GIGYF2: variants seen among roughly 807,000 people sequenced by gnomAD.
GIGYF2 encodes GRB10-interacting GYF protein 2.
A neutral mutation model predicts 208.1 loss-of-function variants in GIGYF2; 25 were observed. The observed-to-expected ratio is 0.12, with a 90% CI of 0.09 to 0.17. The LOEUF is 0.17. Among genes scored for constraint, GIGYF2 ranks in the 10% least tolerant of loss-of-function variants. The pLI, the probability that GIGYF2 is intolerant of heterozygous loss-of-function variation, is 1.00. For synonymous variants in GIGYF2, 534 were observed against 543.8 expected (o/e 0.98, Z 0.25); for missense variants, 1,302 against 1,579.4 (o/e 0.82, Z 2.98).
At chr2:232,707,992 T>C (rs1296439081) in intron 2 of GIGYF2, among the ~76,000 whole-genome samples, 1 of 152,108 alleles carries the variant, frequency 6.6e-6, no homozygotes, top group Non-Finnish European at 1.5e-5. Context: ...GACAAGGTCT[T>C]GCTCTGTCCC....
At chr2:232,718,926 C>T (rs905120965) in intron 2 of GIGYF2, 3 of 151,954 alleles carry the variant, frequency 2.0e-5, no homozygotes, top group Admixed American at 6.5e-5. Context: ...GGCTGGACTC[C>T]ATCCCAAATT....
intron 21 of GIGYF2, among the ~76,000 whole-genome samples, chr2:232,829,302 C>T (rs529866467): frequency 8.5e-5 from 13 of 152,160 alleles, no homozygotes; most frequent in South Asian, 2.1e-4. Context: ...ATTAAATTGA[C>T]GTTAAGGTTG....
chr2:232,815,666 C>A lies in GIGYF2; in HGVS notation c.2137C>A (p.Pro713Thr). The change falls in exon 19 of 29, where the codon CCT becomes ACT. Residue 713 changes from proline (P) to threonine (T), a missense_variant. This residue lies in a region of GIGYF2 where 701 missense variants were observed against 793.0 expected (regional missense o/e 0.88). Coordinates refer to ENST00000373563, the MANE Select transcript of GIGYF2 (RefSeq NM_001103146.3). The stretch of plus-strand genomic sequence containing the variant: ...GGAAGGTGGTAGTGTATGGGATCTT[C>A]CTCTGGACACCACGACACCAGGCCC... ...VWEGGSVWDLPLDTTTPGPAL... is the reference protein window; with the variant it reads ...VWEGGSVWDLTLDTTTPGPAL... 1 of 1,603,098 alleles carries A rather than the reference C, an allele frequency of 6.2e-7. No individual in the cohort carries two copies. The highest frequency in any genetic ancestry group is 8.5e-7 in the Non-Finnish European group (1 of 1,170,000).
chr2:232,812,872 G>T (rs1470118354), intron 18 of GIGYF2, among the ~76,000 whole-genome samples: 3 of 152,098 alleles, frequency 2.0e-5, no homozygotes, highest in Admixed American at 2.0e-4. Flanking sequence ...ATGGTGGTGT[G>T]TGCCTGTAGT....
chr2:232,744,021 A>G (rs1435043091), intron 3 of GIGYF2, among the ~76,000 whole-genome samples: 1 of 151,488 alleles, frequency 6.6e-6, no homozygotes, highest in East Asian at 1.9e-4. Flanking sequence ...AATTTTTTTT[A>G]TTTTTGGAGA....
At chr2:232,734,599 C>G (rs11883794) in intron 2 of GIGYF2, 15,611 of 152,390 alleles carry the variant, frequency 0.1, 1,167 homozygotes, top group African/African-American at 0.2. Flanking sequence ...GCCAAGAGTT[C>G]GAGACCAGCT....
chr2:232,804,769 A>C (rs1053332573), intron 14 of GIGYF2, among the ~76,000 whole-genome samples: 1 of 152,198 alleles, frequency 6.6e-6, no homozygotes, highest in African/African-American at 2.4e-5. Context: ...CTGGAATTAG[A>C]GGCGTGAACT....
intron 14 of GIGYF2, among the ~76,000 whole-genome samples, chr2:232,798,979 A>AATCTGTTTCTATGAATTTTCT (rs1415433456): frequency 6.6e-6 from 1 of 150,588 alleles, no homozygotes; most frequent in South Asian, 2.1e-4. Flanking sequence ...GACTGGAGGA[A>AATCTGTTTCTATGAATTTTCT]ATCTGTTTCT....
rs375641588 is a variant in GIGYF2 at position 232,790,138 on chromosome 2, CTG to C, written c.713-558_713-557del. ...AAAATCTCTGTGACAACTTTCAGCACTGTAATTTTGTGAATTTTTGGGGGAGG... is the reference window on the plus strand; with the variant it reads ...AAAATCTCTGTGACAACTTTCAGCACTAATTTTGTGAATTTTTGGGGGAGG... On this transcript the variant is annotated intron_variant, in intron 9 of 28. Transcript: ENST00000373563. Among the ~76,000 whole-genome samples the C allele has an allele frequency of 2.0e-3, 298 of 152,208 alleles. 3 individuals carry two copies. Among genetic ancestry groups the C allele is most frequent in the African/African-American group, 6.9e-3 (287 of 41,514 alleles).
intron 15 of GIGYF2, among the ~76,000 whole-genome samples, chr2:232,808,265 C>T (rs948375194): frequency 6.6e-6 from 1 of 152,180 alleles, no homozygotes; most frequent in Admixed American, 6.5e-5. Flanking sequence ...AAGTTTAAGC[C>T]TTATTTCCCT....
At chr2:232,833,514 A>G (rs947547350) in intron 22 of GIGYF2, among the ~76,000 whole-genome samples, 5 of 152,252 alleles carry the variant, frequency 3.3e-5, no homozygotes, top group South Asian at 2.1e-4. Context: ...TTGATCATCA[A>G]TAAGATACAT....
chr2:232,786,647 G>GA (rs1212875726), intron 8 of GIGYF2, among the ~76,000 whole-genome samples: 1 of 152,220 alleles, frequency 6.6e-6, no homozygotes, highest in African/African-American at 2.4e-5. Flanking sequence ...GTTGTATGAT[G>GA]AAAAATATCT....
At chr2:232,853,541 G>A (rs1690439656) in intron 28 of GIGYF2, among the ~76,000 whole-genome samples, 1 of 152,200 alleles carries the variant, frequency 6.6e-6, no homozygotes, top group Non-Finnish European at 1.5e-5. Flanking sequence ...CCAAAGTGCT[G>A]GGATTATAAG....
At chr2:232,853,547 A>G (rs1288214513) in intron 28 of GIGYF2, among the ~76,000 whole-genome samples, 3 of 152,218 alleles carry the variant, frequency 2.0e-5, no homozygotes, top group African/African-American at 7.2e-5. Flanking sequence ...TGCTGGGATT[A>G]TAAGGGTGAG....
intron 3 of GIGYF2, among the ~76,000 whole-genome samples, chr2:232,744,811 G>A (rs1698088888): frequency 6.6e-6 from 1 of 152,178 alleles, no homozygotes; most frequent in Non-Finnish European, 1.5e-5. Flanking sequence ...GATTACAAGT[G>A]TGAGCTAACC....
chr2:232,823,664 T>G (rs2106399557), intron 21 of GIGYF2, among the ~76,000 whole-genome samples: 1 of 152,328 alleles, frequency 6.6e-6, no homozygotes, highest in African/African-American at 2.4e-5. Context: ...CCTGTAATTT[T>G]CTTGTAATGC....
intron 5 of GIGYF2, among the ~76,000 whole-genome samples, chr2:232,753,787 C>T (rs567962042): frequency 6.6e-6 from 1 of 152,216 alleles, no homozygotes; most frequent in South Asian, 2.1e-4. Context: ...CTCCGTGTTC[C>T]TAATTACAAG....
intron 2 of GIGYF2, among the ~76,000 whole-genome samples, chr2:232,732,054 C>T (rs964147531): frequency 6.6e-6 from 1 of 152,112 alleles, no homozygotes; most frequent in Non-Finnish European, 1.5e-5. Context: ...TTCAACTTGG[C>T]ATCATAGAAG....
At chr2:232,826,751 T>C (rs1701258173) in intron 21 of GIGYF2, among the ~76,000 whole-genome samples, 1 of 152,158 alleles carries the variant, frequency 6.6e-6, no homozygotes, top group African/African-American at 2.4e-5. Flanking sequence ...TGAAAGAAGT[T>C]CTACCCTAGA....
Sources: allele counts gnomAD v4.1 joint callset (sites outside exome capture counted in the v4.1 genomes callset), GRCh38; gene constraint gnomAD v4.1.1; regional missense constraint gnomAD v4.1.1; transcripts MANE v1.5; gene names NCBI Gene and HGNC (gene_info 2026-07-23, HGNC 2026-07-21).